ARHGAP42: variants seen among roughly 807,000 people sequenced by gnomAD.
The protein encoded by ARHGAP42 is Rho GTPase activating protein 42.
ARHGAP42 carries 63 observed loss-of-function variants against 125.0 expected under a neutral mutation model. The observed-to-expected ratio is 0.50, with a 90% CI of 0.41 to 0.62. ARHGAP42 has a LOEUF of 0.62. Among genes scored for constraint, ARHGAP42 ranks in the 20% least tolerant of loss-of-function variants. The probability of loss-of-function intolerance (pLI) is 0.00; values close to 1 mark genes in which losing one functional copy is unlikely to be tolerated. For synonymous variants in ARHGAP42, 339 were observed against 351.0 expected (o/e 0.97, Z 0.38); for missense variants, 766 against 1,024.2 (o/e 0.75, Z 3.44).
chr11:100,921,383 G>A (rs1160549055), intron 5 of ARHGAP42, 111 bp from the exon 6 acceptor site: 1 of 743,796 alleles, frequency 1.3e-6, no homozygotes, highest in Non-Finnish European at 2.2e-6. Flanking sequence ...TATAATAAGT[G>A]CTGTGTTAAA....
At chr11:100,839,581 A>G (rs951995371) in intron 3 of ARHGAP42, 2 of 152,236 alleles carry the variant, frequency 1.3e-5, no homozygotes, top group Non-Finnish European at 2.9e-5. Context: ...GTAAAGAGTG[A>G]CTGATTAGGC....
chr11:100,737,575 C>T (rs1003531373), intron 1 of ARHGAP42, among the ~76,000 whole-genome samples: 2 of 152,190 alleles, frequency 1.3e-5, no homozygotes, highest in Non-Finnish European at 2.9e-5. Flanking sequence ...CACCTTTCAA[C>T]GTTCGCAGGT....
intron 4 of ARHGAP42, among the ~76,000 whole-genome samples, chr11:100,904,241 C>G (rs1331122587): frequency 3.3e-5 from 5 of 149,346 alleles, no homozygotes; most frequent in Non-Finnish European, 6.0e-5. Context: ...CCTATTTTTC[C>G]TCTCTCTTTT....
chr11:100,713,312 G>C (rs889412328), intron 1 of ARHGAP42, among the ~76,000 whole-genome samples: 3 of 152,156 alleles, frequency 2.0e-5, no homozygotes, highest in African/African-American at 7.2e-5. Flanking sequence ...TATTGAGGCA[G>C]ATGGGTCAAA....
chr11:100,933,046 A>G (rs1867629129), intron 6 of ARHGAP42, 110 bp from the exon 7 acceptor site: 2 of 693,484 alleles, frequency 2.9e-6, no homozygotes, highest in African/African-American at 3.7e-5. Flanking sequence ...GCCATTGAAA[A>G]TGTATTAGTT....
chr11:100,732,551 T>C (rs1389833104), intron 1 of ARHGAP42, among the ~76,000 whole-genome samples: 4 of 152,196 alleles, frequency 2.6e-5, no homozygotes, highest in African/African-American at 9.7e-5. Context: ...GATTTTCTTC[T>C]CTAGATCTTC....
chr11:100,846,210 T>C (rs1266574439), intron 3 of ARHGAP42, among the ~76,000 whole-genome samples: 1 of 152,154 alleles, frequency 6.6e-6, no homozygotes, highest in African/African-American at 2.4e-5. Context: ...TAGAAGGTGG[T>C]CTTCATTTGC....
At chr11:100,750,825 A>G (rs1297418858) in intron 1 of ARHGAP42, among the ~76,000 whole-genome samples, 1 of 152,204 alleles carries the variant, frequency 6.6e-6, no homozygotes, top group Admixed American at 6.5e-5. Flanking sequence ...GAACATACTG[A>G]CATATTGATT....
intron 11 of ARHGAP42, among the ~76,000 whole-genome samples, chr11:100,949,118 C>T (rs183690462): frequency 6.6e-6 from 1 of 152,128 alleles, no homozygotes; most frequent in African/African-American, 2.4e-5. Flanking sequence ...AACACTGTTA[C>T]TAGATCAGTA....
At chr11:100,833,723 G>A (rs762845146) in intron 3 of ARHGAP42, among the ~76,000 whole-genome samples, 7 of 152,040 alleles carry the variant, frequency 4.6e-5, no homozygotes, top group African/African-American at 7.2e-5. Context: ...TTATCGCCTC[G>A]TATTGCTTTC....
intron 3 of ARHGAP42, among the ~76,000 whole-genome samples, chr11:100,853,038 T>G (rs908972233): frequency 5.3e-5 from 8 of 152,196 alleles, no homozygotes; most frequent in African/African-American, 1.9e-4. Flanking sequence ...ATGACATAAT[T>G]TAAATATCTT....
intron 17 of ARHGAP42, among the ~76,000 whole-genome samples, chr11:100,969,687 G>A (rs1858188541): frequency 6.6e-6 from 1 of 151,988 alleles, no homozygotes; most frequent in African/African-American, 2.4e-5. Context: ...TCTATTTGAT[G>A]AAACATTGCC....
chr11:100,961,598 C>T (rs1001192799), intron 14 of ARHGAP42, 86 bp from the exon 15 acceptor site: 26 of 1,120,340 alleles, frequency 2.3e-5, no homozygotes, highest in Non-Finnish European at 3.1e-5. Flanking sequence ...CTCTTTTGAC[C>T]TACTTACGTT....
At chr11:100,744,562 G>GTA (rs1565551704) in intron 1 of ARHGAP42, among the ~76,000 whole-genome samples, 2 of 151,916 alleles carry the variant, frequency 1.3e-5, no homozygotes, top group Non-Finnish European at 2.9e-5. Flanking sequence ...GTGTGTGTGT[G>GTA]TGCGTGCTTG....
intron 3 of ARHGAP42, among the ~76,000 whole-genome samples, chr11:100,856,476 T>G (rs1865325346): frequency 6.6e-6 from 1 of 152,100 alleles, no homozygotes; most frequent in Non-Finnish European, 1.5e-5. Context: ...CCAAATTGGT[T>G]TGTAAATCCA....
intron 3 of ARHGAP42, among the ~76,000 whole-genome samples, chr11:100,850,732 T>A (rs994884374): frequency 6.6e-6 from 1 of 152,202 alleles, no homozygotes; most frequent in Admixed American, 6.5e-5. Flanking sequence ...AATTCATTTG[T>A]ACTTCTTTAT....
intron 1 of ARHGAP42, among the ~76,000 whole-genome samples, chr11:100,762,065 C>A (rs1862713391): frequency 6.6e-6 from 1 of 152,164 alleles, no homozygotes; most frequent in Admixed American, 6.5e-5. Context: ...TGTTTCTAAT[C>A]AAAGGACTTC....
intron 3 of ARHGAP42, among the ~76,000 whole-genome samples, chr11:100,850,032 G>A (rs557425481): frequency 3.9e-5 from 6 of 152,174 alleles, no homozygotes; most frequent in African/African-American, 1.4e-4. Context: ...TAGCCGTGCT[G>A]ATCCTTACCT....
At chr11:100,835,209 C>T (rs1374957060) in intron 3 of ARHGAP42, among the ~76,000 whole-genome samples, 1 of 152,098 alleles carries the variant, frequency 6.6e-6, no homozygotes, top group Non-Finnish European at 1.5e-5. Context: ...TGGTATGTTA[C>T]TCAAGGTTGC....
Sources: allele counts gnomAD v4.1 joint callset (sites outside exome capture counted in the v4.1 genomes callset), GRCh38; gene constraint gnomAD v4.1.1; transcripts MANE v1.5; gene names NCBI Gene and HGNC (gene_info 2026-07-23, HGNC 2026-07-21).